Variants in PCDHA12 observed in about 807,000 individuals in gnomAD.
PCDHA12 encodes protocadherin alpha 12, also known as protocadherin alpha-12.
In PCDHA12, 44 loss-of-function variants were observed where a neutral mutation model predicts 60.0. The ratio of observed to expected loss-of-function variants is 0.73; its 90% CI spans 0.58 to 0.94. PCDHA12 has a LOEUF of 0.94. Ranked by LOEUF, PCDHA12 falls within the 40% of genes least tolerant of loss-of-function variation. The pLI is 0.00. For missense variants in PCDHA12, 1,276 were observed against 1,239.7 expected (o/e 1.03, Z -0.44); for synonymous variants, 569 against 553.0 (o/e 1.03, Z -0.40).
chr5:140,993,906 C>T (rs1245923228), intron 3 of PCDHA12, among the ~76,000 whole-genome samples: 1 of 152,088 alleles, frequency 6.6e-6, no homozygotes, highest in Non-Finnish European at 1.5e-5. Flanking sequence ...AACAAAAATG[C>T]CTAGTGATGC....
intron 1 of PCDHA12, among the ~76,000 whole-genome samples, chr5:140,924,902 A>AAAAAAAT (rs1554202311): frequency 2.8e-4 from 11 of 39,026 alleles, no homozygotes; most frequent in Non-Finnish European, 5.7e-4. Context: ...CTCAAAAAAA[A>AAAAAAAT]AAATAAAATA....
At chr5:140,980,616 G>A (rs2096898086) in intron 2 of PCDHA12, among the ~76,000 whole-genome samples, 4 of 151,912 alleles carry the variant, frequency 2.6e-5, no homozygotes, top group Admixed American at 2.0e-4. Context: ...GCGACAGTGC[G>A]AGACTCTGTC....
chr5:140,914,073 C>T (rs1314205032), intron 1 of PCDHA12, among the ~76,000 whole-genome samples: 2 of 152,120 alleles, frequency 1.3e-5, no homozygotes, highest in Non-Finnish European at 2.9e-5. Flanking sequence ...TGCTCCATAA[C>T]TATCTATTAG....
chr5:140,918,072 T>C (rs1271495774), intron 1 of PCDHA12, among the ~76,000 whole-genome samples: 1 of 152,142 alleles, frequency 6.6e-6, no homozygotes, highest in Non-Finnish European at 1.5e-5. Flanking sequence ...TTTCTTTCAG[T>C]AGTGTTTTAT....
intron 1 of PCDHA12, among the ~76,000 whole-genome samples, chr5:140,903,138 A>T (rs188809018): frequency 6.6e-6 from 1 of 152,258 alleles, no homozygotes; most frequent in East Asian, 1.9e-4. Context: ...AAATCTCCAA[A>T]CTGTTTTCCA....
At chr5:140,984,730 T>C (rs956611464) in intron 3 of PCDHA12, among the ~76,000 whole-genome samples, 4 of 152,186 alleles carry the variant, frequency 2.6e-5, no homozygotes, top group Non-Finnish European at 4.4e-5. Context: ...ATTAAGATTA[T>C]GATTTAGAGT....
intron 1 of PCDHA12, among the ~76,000 whole-genome samples, chr5:140,905,954 C>G (rs1297429672): frequency 6.6e-6 from 1 of 152,158 alleles, no homozygotes; most frequent in Non-Finnish European, 1.5e-5. Context: ...ATCCGATGTT[C>G]AAGGGGAGGA....
Position 140,876,774 on chromosome 5 carries a change from G to T in PCDHA12, c.1302G>T (p.Ser434=), listed in dbSNP as rs370558767. ...CTGCGCGGGATGGGGGCTCGCCTTC[G>T]CTGTGGGCCACGGCTAGAGTGTCCG... The part of the protein sequence containing the change: ...VVTARDGGSP[S]LWATARVSVE... Residue 434 remains serine, a synonymous_variant, in exon 1 of 4, where the codon TCG becomes TCT. Transcript: ENST00000398631. 1.7e-5 allele frequency: 28 copies of T among 1,614,110 alleles called. No homozygotes were observed. Among genetic ancestry groups the T allele is most frequent in the Non-Finnish European group, 2.3e-5 (27 of 1,180,050 alleles).
chr5:140,886,844 A>AAG (rs2061185449), intron 1 of PCDHA12, among the ~76,000 whole-genome samples: 1 of 150,634 alleles, frequency 6.6e-6, no homozygotes, highest in Non-Finnish European at 1.5e-5. Flanking sequence ...AAAAAAAAAA[A>AAG]AAAGAAAGGT....
intron 1 of PCDHA12, among the ~76,000 whole-genome samples, chr5:140,923,593 A>G (rs2081438423): frequency 6.6e-6 from 1 of 152,246 alleles, no homozygotes. Flanking sequence ...TTGTTAATTC[A>G]TAATTTTAAT....
chr5:140,881,959 C>G (rs1012115110), intron 1 of PCDHA12: 146 of 352,464 alleles, frequency 4.1e-4, no homozygotes, highest in Non-Finnish European at 1.3e-4. Context: ...AACATTTAAT[C>G]TTCAATTACA....
intron 1 of PCDHA12, among the ~76,000 whole-genome samples, chr5:140,959,063 A>G (rs190067147): frequency 2.0e-5 from 3 of 152,292 alleles, no homozygotes; most frequent in Admixed American, 2.0e-4. Flanking sequence ...TGCAGTATAT[A>G]TAGAATTCAG....
At chr5:140,884,622 GAAC>G (rs1562808706) in intron 1 of PCDHA12, 7 of 1,613,830 alleles carry the variant, frequency 4.3e-6, no homozygotes, top group Non-Finnish European at 5.9e-6. Flanking sequence ...TCTGCAGAGG[GAAC>G]AGGCCAGAGG....
chr5:140,879,675 G>A (rs141369145), intron 1 of PCDHA12, among the ~76,000 whole-genome samples: 1 of 152,360 alleles, frequency 6.6e-6, no homozygotes, highest in South Asian at 2.1e-4. Context: ...CAAACTGGGT[G>A]CTGTAAAACA....
chr5:140,999,249 G>A (rs1162368060), intron 3 of PCDHA12, among the ~76,000 whole-genome samples: 1 of 152,066 alleles, frequency 6.6e-6, no homozygotes, highest in Non-Finnish European at 1.5e-5. Context: ...AGTGGGAGTT[G>A]GATTAGTAAA....
At position 140,883,588 on chromosome 5, in the gene PCDHA12, C is replaced by A. The variant is rs781923113; in HGVS notation, c.2367+5749C>A. 5.6e-6 allele frequency: 9 copies of A among 1,613,794 alleles called. No homozygotes were observed. In the East Asian group the frequency reaches 6.7e-5, roughly 12 times the overall value. ...CGCCTTCGCTGTGGGCCACGGCCAG[C>A]GTGTCGGTGGGGGTGGCCGACGTGA... is the stretch of plus-strand genomic sequence containing the variant. On this transcript the variant is annotated intron_variant, in intron 1 of 3. Coordinates refer to ENST00000398631, the MANE Select transcript of PCDHA12 (RefSeq NM_018903.4).
At chr5:140,968,467 A>T in intron 1 of PCDHA12, 1 of 1,614,124 alleles carries the variant, frequency 6.2e-7, no homozygotes, top group East Asian at 2.2e-5. Flanking sequence ...CTGCCAACGT[A>T]TATGTGGTGG....
At chr5:140,941,286 CTCTTTCTT>C (rs5871754) in intron 1 of PCDHA12, among the ~76,000 whole-genome samples, 8 of 106,846 alleles carry the variant, frequency 7.5e-5, no homozygotes, top group East Asian at 5.2e-4. Context: ...TCCTTCCTTT[CTCTTTCTT>C]TCTTTCTTTC....
chr5:140,927,486 C>T (rs782314357), intron 1 of PCDHA12: 11 of 1,614,010 alleles, frequency 6.8e-6, no homozygotes, highest in Non-Finnish European at 8.5e-6. Flanking sequence ...AGCGCGCCAC[C>T]CACCTGCTGG....
Sources: allele counts gnomAD v4.1 joint callset (sites outside exome capture counted in the v4.1 genomes callset), GRCh38; gene constraint gnomAD v4.1.1; transcripts MANE v1.5; gene names NCBI Gene and HGNC (gene_info 2026-07-23, HGNC 2026-07-21).